SGMS1: variants seen among roughly 807,000 people sequenced by gnomAD.
SGMS1 encodes phosphatidylcholine:ceramide cholinephosphotransferase 1.
Under a neutral mutation model 46.2 loss-of-function variants are expected in SGMS1, and 13 were observed. The observed-to-expected ratio is 0.28, with a 90% CI of 0.18 to 0.45. SGMS1 has a LOEUF of 0.45. Among genes scored for constraint, SGMS1 ranks in the 20% least tolerant of loss-of-function variants. SGMS1 has a pLI of 1.00. For synonymous variants in SGMS1, 203 were observed against 187.8 expected (o/e 1.08, Z -0.66); for missense variants, 324 against 519.9 (o/e 0.62, Z 3.66).
At chr10:50,607,962 G>A (rs1838712660) in intron 1 of SGMS1, among the ~76,000 whole-genome samples, 1 of 152,182 alleles carries the variant, frequency 6.6e-6, no homozygotes, top group Non-Finnish European at 1.5e-5. Flanking sequence ...CTCCAACTCA[G>A]ATCAAAGTCA....
At chr10:50,377,958 T>C (rs780160634) in intron 6 of SGMS1, among the ~76,000 whole-genome samples, 2 of 152,200 alleles carry the variant, frequency 1.3e-5, no homozygotes, top group Non-Finnish European at 2.9e-5. Flanking sequence ...AGGGCTTACC[T>C]GGATAATGCA....
At position 50,430,514 on chromosome 10, in the gene SGMS1, CATGCAAAATAGTTTTGCAA is replaced by C. The variant is rs199921572; in HGVS notation, c.-232+2943_-232+2961del. On this transcript the variant is annotated intron_variant, in intron 6 of 10. Transcript: ENST00000361781. ...TGTTAATTGTTAGCATTTTCACTGC[CATGCAAAATAGTTTTGCAA>C]ATGCAAAATAGTTTTTGCATTCTAA... 6.5e-3 allele frequency among the ~76,000 whole-genome samples: 980 copies of C among 150,028 alleles called. 11 individuals carry two copies. Among genetic ancestry groups the C allele is most frequent in the East Asian group, 0.034 (174 of 5,134 alleles).
chr10:50,580,577 G>C (rs12263950), intron 2 of SGMS1, among the ~76,000 whole-genome samples: 3,867 of 152,258 alleles, frequency 0.025, 144 homozygotes, highest in African/African-American at 0.087. Context: ...TTACAATATG[G>C]TTGATATTAA....
Position 50,486,577 on chromosome 10 carries a change from A to C in SGMS1, c.-497-19645T>G, listed in dbSNP as rs374901120. On this transcript the variant is annotated intron_variant, in intron 3 of 10. Coordinates refer to ENST00000361781, the MANE Select transcript of SGMS1 (RefSeq NM_147156.4). ...CATGAAAAAAAGCTCAACATCACTG[A>C]TCATTAGAGAGATGCAAATCAAAAC... 6.6e-5 allele frequency among the ~76,000 whole-genome samples: 10 copies of C among 152,336 alleles called. No individual in the cohort carries two copies. The South Asian group carries it at 8.3e-4, about 13-fold the overall frequency.
chr10:50,477,047 C>A (rs948922201), intron 3 of SGMS1, among the ~76,000 whole-genome samples: 2 of 152,242 alleles, frequency 1.3e-5, no homozygotes, highest in Non-Finnish European at 2.9e-5. Context: ...AGGAGGGCTG[C>A]CTTCCTCCAG....
At chr10:50,342,889 C>T (rs1114039) in intron 7 of SGMS1, 1 of 151,896 alleles carries the variant, frequency 6.6e-6, no homozygotes, top group African/African-American at 2.4e-5. Context: ...AATTTGAATG[C>T]AACAGTCACA....
At chr10:50,411,298 T>C (rs1481076485) in intron 6 of SGMS1, among the ~76,000 whole-genome samples, 1 of 152,224 alleles carries the variant, frequency 6.6e-6, no homozygotes, top group Non-Finnish European at 1.5e-5. Context: ...ATGAGGCATA[T>C]TGTTCCACTC....
chr10:50,438,601 T>C (rs887029186), intron 5 of SGMS1, among the ~76,000 whole-genome samples: 3 of 152,216 alleles, frequency 2.0e-5, no homozygotes, highest in African/African-American at 7.2e-5. Flanking sequence ...TGTGAGATAA[T>C]TTTGTGATTG....
At chr10:50,612,909 AT>A (rs1404968427) in intron 1 of SGMS1, among the ~76,000 whole-genome samples, 2 of 152,312 alleles carry the variant, frequency 1.3e-5, no homozygotes, top group African/African-American at 4.8e-5. Context: ...GGGTTTCACC[AT>A]GCTGGCCAGG....
intron 3 of SGMS1, among the ~76,000 whole-genome samples, chr10:50,483,389 A>C (rs1235790021): frequency 6.6e-6 from 1 of 152,198 alleles, no homozygotes; most frequent in African/African-American, 2.4e-5. Context: ...CAGATTCATA[A>C]AACAAGTTCT....
Position 50,587,631 on chromosome 10 carries a change from A to G in SGMS1, c.-589+2522T>C, listed in dbSNP as rs995998633. Among the ~76,000 whole-genome samples, 56 of 118,726 alleles carry G rather than the reference A, an allele frequency of 4.7e-4. 2 individuals are homozygous for G. In the South Asian group the frequency reaches 7.7e-3, roughly 16 times the overall value. 77.9% of individuals were successfully genotyped at this position (118,726 alleles called of 152,430 possible). ...AGAGCAAGACTGCATCTCAAAATAT[A>G]TATGTGTGTGTGTGTGTGTGTGTGT... On this transcript the variant is annotated intron_variant, in intron 2 of 10. Coordinates refer to ENST00000361781, the MANE Select transcript of SGMS1 (RefSeq NM_147156.4).
intron 6 of SGMS1, among the ~76,000 whole-genome samples, chr10:50,433,165 G>C (rs1428248988): frequency 6.6e-6 from 1 of 152,180 alleles, no homozygotes; most frequent in African/African-American, 2.4e-5. Flanking sequence ...CATATCCTAA[G>C]GGTTATTCCA....
At chr10:50,451,890 A>G (rs1837114456) in intron 5 of SGMS1, among the ~76,000 whole-genome samples, 1 of 152,204 alleles carries the variant, frequency 6.6e-6, no homozygotes, top group South Asian at 2.1e-4. Context: ...AATCACTAAC[A>G]TATTCTACTA....
rs952623936 is a variant in SGMS1, at chr10:50,568,493, C to T, written c.-589+21660G>A. On this transcript the variant is annotated intron_variant, in intron 2 of 10. Coordinates refer to ENST00000361781, the MANE Select transcript of SGMS1 (RefSeq NM_147156.4). ...ATCCCTTCAGAATTCCCATCATTCC[C>T]ATCCAATTCATCAGTTTTAGGTTCA... is the stretch of plus-strand genomic sequence containing the variant. 2.6e-5 allele frequency among the ~76,000 whole-genome samples: 4 copies of T among 152,272 alleles called. 1 individual carries two copies. In the South Asian group the frequency reaches 8.3e-4, roughly 32 times the overall value.
chr10:50,369,946 A>G (rs1336019395), intron 6 of SGMS1, among the ~76,000 whole-genome samples: 1 of 152,248 alleles, frequency 6.6e-6, no homozygotes, highest in Non-Finnish European at 1.5e-5. Context: ...AAACTTGTAC[A>G]GCATTCTACT....
chr10:50,376,889 A>G (rs1015875234), intron 6 of SGMS1, among the ~76,000 whole-genome samples: 1 of 152,170 alleles, frequency 6.6e-6, no homozygotes, highest in African/African-American at 2.4e-5. Context: ...GTCAATGGGC[A>G]TTTTTTAAGA....
intron 6 of SGMS1, among the ~76,000 whole-genome samples, chr10:50,347,560 C>G (rs767247655): frequency 2.0e-5 from 3 of 152,206 alleles, no homozygotes; most frequent in Non-Finnish European, 4.4e-5. Context: ...CAAGGCCTCC[C>G]TTCAAACACT....
chr10:50,474,753 C>G (rs1837405364), intron 3 of SGMS1, among the ~76,000 whole-genome samples: 1 of 151,932 alleles, frequency 6.6e-6, no homozygotes, highest in Admixed American at 6.6e-5. Flanking sequence ...CAAAACAAAA[C>G]AAAACAAAAC....
At chr10:50,531,272 G>A (rs753618047) in intron 2 of SGMS1, among the ~76,000 whole-genome samples, 2 of 152,096 alleles carry the variant, frequency 1.3e-5, no homozygotes, top group Non-Finnish European at 1.5e-5. Context: ...GAACATACAT[G>A]TGTAGACTAC....
Sources: gnomAD v4.1 joint callset for allele counts (sites outside exome capture counted in the v4.1 genomes callset) on GRCh38, gnomAD v4.1.1 for gene constraint, MANE v1.5 for transcripts, NCBI Gene and HGNC (gene_info 2026-07-23, HGNC 2026-07-21) for gene names.